THADA: variants seen among roughly 807,000 people sequenced by gnomAD.
The protein encoded by THADA is THADA armadillo repeat containing, also known as tRNA (32-2'-O)-methyltransferase regulator THADA.
THADA carries 213 observed loss-of-function variants against 219.8 expected under a neutral mutation model. That is an observed-to-expected ratio of 0.97 (90% CI 0.87 to 1.09). The LOEUF (loss-of-function observed/expected upper bound fraction) is 1.09, where lower values mean the gene tolerates loss of function less well. Among genes scored for constraint, THADA ranks in the 50% least tolerant of loss-of-function variants. THADA has a pLI of 0.00. For synonymous variants in THADA, 1,018 were observed against 828.9 expected (o/e 1.23, Z -3.92); for missense variants, 2,956 against 2,311.3 (o/e 1.28, Z -5.72).
chr2:43,289,694 C>T (rs1674460284), intron 34 of THADA, among the ~76,000 whole-genome samples: 1 of 152,154 alleles, frequency 6.6e-6, no homozygotes, highest in Admixed American at 6.5e-5. Flanking sequence ...CTCTGTTGCC[C>T]AGGCTGGAGT....
intron 10 of THADA, 80 bp downstream of exon 10, chr2:43,576,942 A>C (rs1699917042): frequency 1.9e-5 from 24 of 1,297,082 alleles, no homozygotes; most frequent in Non-Finnish European, 2.3e-5. Context: ...TAGAGGCACA[A>C]GCCACTCCAG....
chr2:43,515,119 AATATATTTT>A, intron 22 of THADA, among the ~76,000 whole-genome samples: 3 of 7,210 alleles, frequency 4.2e-4, no homozygotes, highest in African/African-American at 6.1e-4. Context: ...TTTTATATAT[AATATATTTT>A]ATATATAATA....
intron 30 of THADA, chr2:43,343,556 C>A: frequency 6.6e-6 from 1 of 152,522 alleles, no homozygotes; most frequent in Non-Finnish European, 1.5e-5. Context: ...ATTCCTTTTA[C>A]TCCTTCATCT....
At chr2:43,484,994 C>T (rs1433498642) in intron 26 of THADA, among the ~76,000 whole-genome samples, 3 of 149,864 alleles carry the variant, frequency 2.0e-5, no homozygotes, top group African/African-American at 7.4e-5. Flanking sequence ...ACAAGCTCTA[C>T]ATTTCACCCC....
At chr2:43,342,659 C>T (rs6722694) in intron 30 of THADA, among the ~76,000 whole-genome samples, 2 of 152,174 alleles carry the variant, frequency 1.3e-5, no homozygotes, top group Admixed American at 6.5e-5. Flanking sequence ...CCTCTTCTGG[C>T]GTAATGCTGT....
At chr2:43,577,782 T>C (rs950085285) in intron 9 of THADA, among the ~76,000 whole-genome samples, 7 of 152,146 alleles carry the variant, frequency 4.6e-5, no homozygotes, top group African/African-American at 1.7e-4. Context: ...CTATCTAGCA[T>C]GCTTCCTGTC....
At chr2:43,246,042 G>A (rs1210986015) in intron 36 of THADA, among the ~76,000 whole-genome samples, 1 of 150,828 alleles carries the variant, frequency 6.6e-6, no homozygotes, top group African/African-American at 2.4e-5. Context: ...CTAGGCGCCC[G>A]CCTCCCAGCC....
Position 43,574,962 on chromosome 2 carries a change from A to G in THADA, c.1103T>C (p.Ile368Thr), listed in dbSNP as rs1699703653. The change falls in exon 11 of 38, where the codon ATA becomes ACA. Residue 368 changes from isoleucine to threonine, a missense_variant. Physicochemically the swap from Ile to Thr is moderately conservative, Grantham distance 89. Coordinates refer to ENST00000405975, the MANE Select transcript of THADA (RefSeq NM_022065.5). ...CGGGGAACTTGATTCAAGGACTTGT[A>G]TGGCTGAATTAGTCCAGGATGCTAA... ...RILASWTNSA[I>T]QVLESSSPSL... 9.3e-6 allele frequency: 15 copies of G among 1,614,028 alleles called. No homozygotes were observed. The highest frequency in any genetic ancestry group is 1.2e-5 in the Non-Finnish European group (14 of 1,179,900).
chr2:43,406,313 T>C (rs1223764571), intron 28 of THADA, among the ~76,000 whole-genome samples: 1 of 152,248 alleles, frequency 6.6e-6, no homozygotes, highest in Non-Finnish European at 1.5e-5. Context: ...TATGCTTTAA[T>C]TGTTCAGAAT....
chr2:43,520,818 C>T (rs1475891602), intron 22 of THADA, among the ~76,000 whole-genome samples: 1 of 151,744 alleles, frequency 6.6e-6, no homozygotes, highest in Non-Finnish European at 1.5e-5. Flanking sequence ...ATCCAGCTTC[C>T]CTCAGTCTTT....
chr2:43,431,263 A>G (rs997813098), intron 26 of THADA, among the ~76,000 whole-genome samples: 6 of 152,176 alleles, frequency 3.9e-5, no homozygotes, highest in African/African-American at 1.4e-4. Flanking sequence ...TGCTGTGATC[A>G]AGTGTACCAT....
At chr2:43,484,556 A>G (rs1686648384) in intron 26 of THADA, 1 of 168,690 alleles carries the variant, frequency 5.9e-6, no homozygotes, top group African/African-American at 2.4e-5. Flanking sequence ...TAAGTGCTAA[A>G]AAACAACTAT....
intron 36 of THADA, among the ~76,000 whole-genome samples, chr2:43,276,363 T>G (rs542812178): frequency 2.3e-4 from 35 of 152,152 alleles, no homozygotes; most frequent in Non-Finnish European, 4.9e-4. Flanking sequence ...GGCTGCAGCA[T>G]GTGCAGGAGA....
intron 12 of THADA, among the ~76,000 whole-genome samples, chr2:43,572,108 T>A (rs565991081): frequency 6.6e-6 from 1 of 152,216 alleles, no homozygotes; most frequent in Admixed American, 6.5e-5. Flanking sequence ...TCCGTGGTAA[T>A]GCTCAGCTTC....
At chr2:43,470,067 C>A (rs1375064304) in intron 26 of THADA, among the ~76,000 whole-genome samples, 1 of 151,830 alleles carries the variant, frequency 6.6e-6, no homozygotes, top group Non-Finnish European at 1.5e-5. Flanking sequence ...AAAAATTAGC[C>A]AGGTGGGGTG....
chr2:43,237,368 G>T, intron 36 of THADA, among the ~76,000 whole-genome samples: 1 of 149,848 alleles, frequency 6.7e-6, no homozygotes, highest in South Asian at 2.1e-4. Flanking sequence ...ACACCTAAAT[G>T]TAAGAGCAAA....
chr2:43,336,314 C>T (rs903343497), intron 30 of THADA, among the ~76,000 whole-genome samples: 1 of 151,940 alleles, frequency 6.6e-6, no homozygotes, highest in South Asian at 2.1e-4. Flanking sequence ...CTCTGTCGCT[C>T]AGGCTGGAGT....
chr2:43,421,726 T>C (rs1677747903), intron 28 of THADA, among the ~76,000 whole-genome samples: 1 of 152,224 alleles, frequency 6.6e-6, no homozygotes, highest in Non-Finnish European at 1.5e-5. Context: ...AAGAATGCTT[T>C]TCAGACATAA....
At chr2:43,294,921 C>T (rs1572952234) in intron 31 of THADA, among the ~76,000 whole-genome samples, 1 of 152,116 alleles carries the variant, frequency 6.6e-6, no homozygotes, top group South Asian at 2.1e-4. Flanking sequence ...TCTCGGGTAC[C>T]TCCCAGCACC....
Sources: allele counts gnomAD v4.1 joint callset (sites outside exome capture counted in the v4.1 genomes callset), GRCh38; gene constraint gnomAD v4.1.1; transcripts MANE v1.5; gene names NCBI Gene and HGNC (gene_info 2026-07-23, HGNC 2026-07-21).